Variants in SCAF1 observed in about 807,000 individuals in gnomAD.
SCAF1 encodes splicing factor, arginine/serine-rich 19.
Under a neutral mutation model 91.2 loss-of-function variants are expected in SCAF1, and 28 were observed. The ratio of observed to expected loss-of-function variants is 0.31; its 90% CI spans 0.23 to 0.42. The LOEUF (loss-of-function observed/expected upper bound fraction) is 0.42. Ranked by LOEUF, SCAF1 falls within the 10% of genes least tolerant of loss-of-function variation. The pLI, the probability that SCAF1 is intolerant of heterozygous loss-of-function variation, is 1.00. For synonymous variants in SCAF1, 1,036 were observed against 833.7 expected (o/e 1.24, Z -4.18); for missense variants, 1,893 against 1,872.1 (o/e 1.01, Z -0.21).
At chr19:49,654,055 G>A (rs2081122824) in intron 7 of SCAF1, among the ~76,000 whole-genome samples, 1 of 152,170 alleles carries the variant, frequency 6.6e-6, no homozygotes, top group Non-Finnish European at 1.5e-5. Context: ...GGTGGGGAGA[G>A]AGGTTGGGAC....
rs754109458 is a variant in SCAF1, at chr19:49,653,300, G to A, written c.2911G>A (p.Ala971Thr). The change falls in exon 7 of 11, where the codon GCC becomes ACC. Residue 971 changes from alanine (A) to threonine (T), a missense_variant. Ala to Thr is a moderately conservative substitution (Grantham distance 58). Around this residue, in one of 5 missense-constraint regions of SCAF1, gnomAD observed 1,436 missense variants for 1,306.8 expected, o/e 1.10. Coordinates refer to ENST00000360565, the MANE Select transcript of SCAF1 (RefSeq NM_021228.3). ...ETSWSGEERAAKVPSTPPPKA... is the reference protein window; with the variant it reads ...ETSWSGEERATKVPSTPPPKA... ...TTCCTGGTCCGGGGAGGAGCGGGCA[G>A]CCAAGGTTCCTAGCACCCCGCCCCC... The A allele has an allele frequency of 6.1e-6, 9 of 1,466,600 alleles. No homozygotes were observed. In the African/African-American group the frequency reaches 8.5e-5, roughly 14 times the overall value. 90.8% of individuals were successfully genotyped at this position (1,466,600 alleles called of 1,614,324 possible).
In SCAF1 at chr19:49,651,848, CT is replaced by C; in HGVS notation, c.1460del (p.Leu487ArgfsTer251). ...WGGLDLRRKI[L>X]TQRRERYRQR... ...CGGCCTGGACCTGCGCCGCAAGATC[CT>C]GACCCAACGGCGGGAGCGCTACCGC... On this transcript the variant is annotated frameshift_variant, in exon 7 of 11. Transcript: ENST00000360565. LOFTEE classifies it high-confidence loss of function. The C allele has an allele frequency of 8.0e-7, 1 of 1,256,376 alleles. No homozygotes were observed. The highest frequency in any genetic ancestry group is 1.0e-6 in the Non-Finnish European group (1 of 1,001,194). The allele number at this position is 1,256,376 out of a possible 1,614,324, so 77.8% of individuals were successfully genotyped here.
rs1160169227 is a variant in SCAF1, at chr19:49,652,146, G to T, written c.1757G>T (p.Arg586Leu). The change falls in exon 7 of 11, where the codon CGC (arginine) becomes CTC (leucine). Residue 586 changes from arginine to leucine, a missense_variant. Arg to Leu is a moderately radical substitution (Grantham distance 102). Coordinates refer to ENST00000360565, the MANE Select transcript of SCAF1 (RefSeq NM_021228.3). ...SRSRSRSTRR[R>L]SRSTDRRRGG... ...TCCCGCTCCCGCTCCACCCGCCGCCGCTCGCGCAGCACCGACCGCCGCCGC... is the reference window on the plus strand; with the variant it reads ...TCCCGCTCCCGCTCCACCCGCCGCCTCTCGCGCAGCACCGACCGCCGCCGC... 3 of 1,089,502 alleles carry T rather than the reference G, an allele frequency of 2.8e-6. No homozygotes were observed. Among genetic ancestry groups the T allele is most frequent in the South Asian group, 2.9e-5 (1 of 34,876 alleles). 67.5% of individuals were successfully genotyped at this position (1,089,502 alleles called of 1,614,324 possible). A position where few individuals can be genotyped will look rare whatever the true frequency, so the allele number is the denominator to read the frequency against.
At chr19:49,656,893 G>A (rs916313722) in intron 9 of SCAF1, among the ~76,000 whole-genome samples, 4 of 152,336 alleles carry the variant, frequency 2.6e-5, no homozygotes, top group African/African-American at 7.2e-5. Context: ...GGTGGCTCAT[G>A]CCTGTAATTC....
In SCAF1 at chr19:49,646,206, A is replaced by C; in HGVS notation, c.261+4A>C. ...AGGGGGCACTGACACGGCTACTGTGAGTAAGAAGAGGGGGCTGGGGGCCTG... is the reference window on the plus strand; with the variant it reads ...AGGGGGCACTGACACGGCTACTGTGCGTAAGAAGAGGGGGCTGGGGGCCTG... On this transcript the variant is annotated splice_donor_region_variant and intron_variant, in intron 4 of 10. Transcript: ENST00000360565. This position sits in a 1 kb window ranked among gnomAD's most constrained non-coding sequence, Gnocchi z 5.6. The C allele has an allele frequency of 1.3e-6, 2 of 1,568,024 alleles. No individual in the cohort carries two copies. Among genetic ancestry groups the C allele is most frequent in the Non-Finnish European group, 1.7e-6 (2 of 1,158,128 alleles).
chr19:49,651,854 C>T lies in SCAF1; in HGVS notation c.1465C>T (p.Gln489Ter). Residue 489 changes from glutamine to a stop codon, truncating the protein, a stop_gained, in exon 7 of 11, where the codon CAA becomes TAA. Coordinates refer to ENST00000360565, the MANE Select transcript of SCAF1 (RefSeq NM_021228.3). LOFTEE classifies it high-confidence loss of function. ...GGACCTGCGCCGCAAGATCCTGACC[C>T]AACGGCGGGAGCGCTACCGCCAGCG... ...GLDLRRKILT[Q>*]RRERYRQRSP... 1 of 1,251,242 alleles carries T rather than the reference C, an allele frequency of 8.0e-7. No individual in the cohort carries two copies. Among genetic ancestry groups the T allele is most frequent in the Non-Finnish European group, 1.0e-6 (1 of 997,826 alleles). 77.5% of individuals were successfully genotyped at this position (1,251,242 alleles called of 1,614,324 possible).
In SCAF1 at chr19:49,653,171, C is replaced by T. The variant is rs766487733; in HGVS notation, c.2782C>T (p.Arg928Cys). The T allele has an allele frequency of 4.4e-6, 7 of 1,593,044 alleles. No individual in the cohort carries two copies. The highest frequency in any genetic ancestry group is 1.3e-5 in the African/African-American group (1 of 74,268). ...TKPSKTRKKV[R>C]SGGGSGGSGG... is the part of the protein sequence containing the mutation. Reference sequence around the variant, plus strand: ...GCCATCCAAGACCAGGAAAAAGGTCCGCAGTGGAGGTGGCAGCGGGGGCAG... The same window carrying T: ...GCCATCCAAGACCAGGAAAAAGGTCTGCAGTGGAGGTGGCAGCGGGGGCAG... Residue 928 changes from arginine (R) to cysteine (C), a missense_variant, in exon 7 of 11, where the codon CGC becomes TGC. By Grantham distance (180) the Arg-to-Cys change is radical. Transcript: ENST00000360565.
chr19:49,652,724 G>C lies in SCAF1; in HGVS notation c.2335G>C (p.Asp779His). Residue 779 changes from aspartate (D) to histidine (H), a missense_variant, in exon 7 of 11, where the codon GAT becomes CAT. Asp to His is a moderately conservative substitution (Grantham distance 81). This residue lies in a region of SCAF1 where 1,436 missense variants were observed against 1,306.8 expected (regional missense o/e 1.10). Transcript: ENST00000360565. ...RRKALDGGDR[D>H]RDRDRDRDRD... The stretch of plus-strand genomic sequence containing the variant: ...GAAGGCGCTGGACGGGGGTGACCGG[G>C]ATCGGGACAGGGACAGAGATAGGGA... The C allele has an allele frequency of 6.3e-7, 1 of 1,598,040 alleles. No homozygotes were observed. Among genetic ancestry groups the C allele is most frequent in the Non-Finnish European group, 8.5e-7 (1 of 1,172,578 alleles).
In SCAF1 at chr19:49,653,597, G is replaced by A. The variant is rs375993523; in HGVS notation, c.3208G>A (p.Ala1070Thr). 88 of 1,583,680 alleles carry A rather than the reference G, an allele frequency of 5.6e-5. No homozygotes were observed. The highest frequency in any genetic ancestry group is 2.4e-4 in the Admixed American group (14 of 57,468). Residue 1070 changes from alanine to threonine, a missense_variant, in exon 7 of 11, where the codon GCG becomes ACG. Physicochemically the swap from Ala to Thr is moderately conservative, Grantham distance 58. Around this residue, in one of 5 missense-constraint regions of SCAF1, gnomAD observed 1,436 missense variants for 1,306.8 expected, o/e 1.10. Transcript: ENST00000360565. ...SAGSTAGDSG[A>T]EDGPASRVSQ... is the part of the protein sequence containing the mutation. ...GGGGTCCACAGCCGGTGACTCGGGG[G>A]CGGAGGACGGGCCAGCTTCCCGTGT... is the stretch of plus-strand genomic sequence containing the variant.
chr19:49,652,795 G>C lies in SCAF1; in HGVS notation c.2406G>C (p.Ala802=). The change falls in exon 7 of 11, where the codon GCG becomes GCC. Residue 802 remains alanine (A), a synonymous_variant. Coordinates refer to ENST00000360565, the MANE Select transcript of SCAF1 (RefSeq NM_021228.3). ...AGGCCCGGCCCCCCAAGGAGTCGGC[G>C]CCTTCCTCAGGGCCCCCGCCAAAGC... The part of the protein sequence containing the change: ...SKKARPPKES[A]PSSGPPPKPP... 1 of 1,613,434 alleles carries C rather than the reference G, an allele frequency of 6.2e-7. No homozygotes were observed.
At chr19:49,641,544 T>C (rs969301731), upstream of SCAF1, among the ~76,000 whole-genome samples, 1 of 152,224 alleles carries the variant, frequency 6.6e-6, no homozygotes, top group Non-Finnish European at 1.5e-5. Context: ...CTTGAACTCC[T>C]GATATCAGAT....
chr19:49,653,926 T>C (rs894252290), intron 7 of SCAF1, among the ~76,000 whole-genome samples: 4 of 150,210 alleles, frequency 2.7e-5, no homozygotes, highest in African/African-American at 9.8e-5. Context: ...CAGACTGGAG[T>C]GGTGGGCTGG....
chr19:49,651,999 CG>C lies in SCAF1; in HGVS notation c.1613del (p.Gly538AlafsTer200). 2.5e-6 allele frequency: 3 copies of C among 1,197,540 alleles called. No homozygotes were observed. Among genetic ancestry groups the C allele is most frequent in the South Asian group, 1.8e-5 (1 of 55,524 alleles). 74.2% of individuals were successfully genotyped at this position (1,197,540 alleles called of 1,614,324 possible). On this transcript the variant is annotated frameshift_variant, in exon 7 of 11. Coordinates refer to ENST00000360565, the MANE Select transcript of SCAF1 (RefSeq NM_021228.3). LOFTEE classifies it high-confidence loss of function. The part of the protein sequence containing the change: ...GEAKEAASSS[S>X]GTQPAPPAPA... ...GCCAAGGAGGCCGCCTCGTCCTCGT[CG>C]GGCACCCAGCCAGCGCCGCCCGCCC...
intron 7 of SCAF1, 134 bp from the exon 8 acceptor site, chr19:49,654,215 G>T: frequency 2.8e-6 from 2 of 726,818 alleles, no homozygotes; most frequent in South Asian, 3.6e-5. Flanking sequence ...CCTTTTCCCA[G>T]TTCTGAGCGT....
In SCAF1 at chr19:49,653,443, A is replaced by G; in HGVS notation, c.3054A>G (p.Arg1018=). Residue 1018 remains arginine, a synonymous_variant, in exon 7 of 11, where the codon CGA becomes CGG. Transcript: ENST00000360565. ...AGGCCACTGAGGAGGCTGGGGTCCG[A>G]GGTGGGGCGGAGGAGGAGGAGGAGG... ...PEEATEEAGV[R]GGAEEEEEEE... The G allele has an allele frequency of 6.5e-7, 1 of 1,547,520 alleles. No individual in the cohort carries two copies. Among genetic ancestry groups the G allele is most frequent in the Non-Finnish European group, 8.7e-7 (1 of 1,146,460 alleles).
In SCAF1 at chr19:49,651,358, C is replaced by G. The variant is rs372506690; in HGVS notation, c.969C>G (p.Asp323Glu). ...CAGGTGACGAGAGCCCCCGCCCGGACGCGCAGCCCACACAGCCGACTCCCG... is the reference window on the plus strand; with the variant it reads ...CAGGTGACGAGAGCCCCCGCCCGGAGGCGCAGCCCACACAGCCGACTCCCG... Reference protein sequence around the residue: ...DFPGDESPRPDAQPTQPTPAP... With the variant: ...DFPGDESPRPEAQPTQPTPAP... The change falls in exon 7 of 11, where the codon GAC becomes GAG. Residue 323 changes from aspartate (D) to glutamate (E), a missense_variant. Around this residue, in one of 5 missense-constraint regions of SCAF1, gnomAD observed 1,436 missense variants for 1,306.8 expected, o/e 1.10. Coordinates refer to ENST00000360565, the MANE Select transcript of SCAF1 (RefSeq NM_021228.3). 1 of 1,608,156 alleles carries G rather than the reference C, an allele frequency of 6.2e-7. No individual in the cohort carries two copies. The highest frequency in any genetic ancestry group is 1.1e-5 in the South Asian group (1 of 91,042).
chr19:49,649,795 A>G (rs1367790437), intron 6 of SCAF1, among the ~76,000 whole-genome samples: 1 of 152,216 alleles, frequency 6.6e-6, no homozygotes, highest in Non-Finnish European at 1.5e-5. Flanking sequence ...CCACCCGGCC[A>G]TAAAGGGTGT....
intron 1 of SCAF1, among the ~76,000 whole-genome samples, chr19:49,644,362 A>G (rs1273325341): frequency 6.6e-6 from 1 of 152,234 alleles, no homozygotes; most frequent in African/African-American, 2.4e-5. Context: ...GGCGATAGGT[A>G]AATGCCTCCT....
chr19:49,649,887 C>T (rs1472600017), intron 6 of SCAF1, among the ~76,000 whole-genome samples: 1 of 152,216 alleles, frequency 6.6e-6, no homozygotes, highest in East Asian at 1.9e-4. Context: ...GGTCATGTGG[C>T]TGGTGAGGGC....
Sources: allele counts gnomAD v4.1 joint callset (sites outside exome capture counted in the v4.1 genomes callset), GRCh38; gene constraint gnomAD v4.1.1; regional missense constraint gnomAD v4.1.1; non-coding constraint Gnocchi (gnomAD v3.1); transcripts MANE v1.5; gene names NCBI Gene and HGNC (gene_info 2026-07-23, HGNC 2026-07-21).